Variants in SAMMSON observed in about 807,000 individuals in gnomAD.
SAMMSON encodes survival associated mitochondrial melanoma specific oncogenic non-coding RNA.
intron 4 of SAMMSON, among the ~76,000 whole-genome samples, chr3:70,207,132 G>A (rs1701299060): frequency 6.6e-6 from 1 of 151,310 alleles, no homozygotes; most frequent in South Asian, 2.1e-4. Flanking sequence ...CTGTCACAGA[G>A]TATTATTAAT....
intron 4 of SAMMSON, among the ~76,000 whole-genome samples, chr3:70,142,159 A>G (rs573106144): frequency 1.6e-4 from 25 of 152,292 alleles, no homozygotes; most frequent in African/African-American, 5.8e-4. Context: ...CTACCATTTG[A>G]TTCAGCTATC....
At chr3:70,427,546 T>C (rs1388002184) in intron 2 of SAMMSON, among the ~76,000 whole-genome samples, 3 of 152,080 alleles carry the variant, frequency 2.0e-5, no homozygotes, top group East Asian at 3.9e-4. Context: ...GAGACCATCC[T>C]GGCTGACACG....
intron 7 of SAMMSON, among the ~76,000 whole-genome samples, chr3:70,311,338 G>T (rs1350205065): frequency 6.6e-6 from 1 of 152,152 alleles, no homozygotes; most frequent in African/African-American, 2.4e-5. Flanking sequence ...TTTCAAAAGT[G>T]CGCAAATCTG....
chr3:70,366,001 T>TTTTTTTTTC (rs1362861416), intron 9 of SAMMSON, among the ~76,000 whole-genome samples: 1 of 21,770 alleles, frequency 4.6e-5, no homozygotes, highest in African/African-American at 1.7e-4. Context: ...TTTTTTTTTT[T>TTTTTTTTTC]GAGACGGAGT....
intron 4 of SAMMSON, among the ~76,000 whole-genome samples, chr3:70,134,376 TA>T (rs2067497538): frequency 6.6e-6 from 1 of 151,352 alleles, no homozygotes; most frequent in Admixed American, 6.6e-5. Context: ...TTTTTTTTAA[TA>T]AAAAGTACTC....
chr3:70,304,543 C>T (rs77040195), intron 7 of SAMMSON, among the ~76,000 whole-genome samples: 5,834 of 152,220 alleles, frequency 0.038, 160 homozygotes, highest in East Asian at 0.081. Flanking sequence ...TTTCTAAAGC[C>T]GGGGGTCAGC....
In SAMMSON at chr3:70,404,810, A is replaced by C. The variant is rs118168962; in HGVS notation, n.233+46486A>C. Among the ~76,000 whole-genome samples, 43 of 152,200 alleles carry C rather than the reference A, an allele frequency of 2.8e-4. No individual in the cohort carries two copies. The East Asian group carries it at 7.4e-3, about 26-fold the overall frequency. On this transcript the variant is annotated intron_variant and non_coding_transcript_variant, in intron 2 of 3. Coordinates refer to the SAMMSON transcript ENST00000641053. The stretch of plus-strand genomic sequence containing the variant: ...GTATTTCTACACTGCAAAGCACAAC[A>C]ATCTCCCTGAGTTGAGGAGTCAGAG...
chr3:70,214,590 T>C (rs1389519600), intron 4 of SAMMSON, among the ~76,000 whole-genome samples: 1 of 135,570 alleles, frequency 7.4e-6, no homozygotes, highest in African/African-American at 2.8e-5. Flanking sequence ...ACTTCAATTT[T>C]TGGGGGCTGA....
chr3:70,241,960 C>A (rs1021657459), intron 4 of SAMMSON, among the ~76,000 whole-genome samples: 1 of 152,148 alleles, frequency 6.6e-6, no homozygotes, highest in African/African-American at 2.4e-5. Flanking sequence ...TTTGTTTAGG[C>A]CCTTAGAGTT....
chr3:70,295,577 C>T (rs1315740754), intron 7 of SAMMSON, among the ~76,000 whole-genome samples: 1 of 152,140 alleles, frequency 6.6e-6, no homozygotes, highest in East Asian at 1.9e-4. Flanking sequence ...GTGGTGCGCA[C>T]CTGTAGTCCT....
At chr3:70,029,619 G>A (rs963341885) in intron 3 of SAMMSON, among the ~76,000 whole-genome samples, 2 of 151,960 alleles carry the variant, frequency 1.3e-5, no homozygotes, top group South Asian at 4.1e-4. Flanking sequence ...GCAAGGCTTG[G>A]TGGCATGTGC....
chr3:70,153,189 T>C (rs902546000), intron 4 of SAMMSON, among the ~76,000 whole-genome samples: 1 of 151,960 alleles, frequency 6.6e-6, no homozygotes, highest in Non-Finnish European at 1.5e-5. Context: ...ATGAAGTGTT[T>C]TTTTAATCCT....
At chr3:70,338,208 C>T (rs1302714397) in intron 7 of SAMMSON, among the ~76,000 whole-genome samples, 1 of 152,014 alleles carries the variant, frequency 6.6e-6, no homozygotes, top group East Asian at 1.9e-4. Flanking sequence ...CATGTAAACT[C>T]TCTGATGCCC....
chr3:70,205,269 T>C (rs556336004), intron 4 of SAMMSON: 1 of 152,168 alleles, frequency 6.6e-6, no homozygotes, highest in South Asian at 2.1e-4. Context: ...TGTGTCGAGG[T>C]AGTGACATTT....
chr3:70,354,702 A>C lies in SAMMSON; in HGVS notation n.842+425A>C, dbSNP rs530333062. 1.4e-3 allele frequency among the ~76,000 whole-genome samples: 212 copies of C among 152,304 alleles called. 1 individual carries two copies. The highest frequency in any genetic ancestry group is 5.0e-3 in the African/African-American group (206 of 41,588). ...GCTGCCTCTAGCTGGACAGTGCCTGAGCATGGCAGGAAGGCCCAGACTCCT... is the reference window on the plus strand; with the variant it reads ...GCTGCCTCTAGCTGGACAGTGCCTGCGCATGGCAGGAAGGCCCAGACTCCT... On this transcript the variant is annotated intron_variant and non_coding_transcript_variant, in intron 8 of 9. Transcript: ENST00000642114.
chr3:70,017,970 G>T (rs1373218098), intron 3 of SAMMSON, among the ~76,000 whole-genome samples: 1 of 152,120 alleles, frequency 6.6e-6, no homozygotes, highest in Non-Finnish European at 1.5e-5. Flanking sequence ...TTGATGTGTT[G>T]CTGGATTTGG....
At chr3:70,123,414 A>T (rs2067443273) in intron 4 of SAMMSON, among the ~76,000 whole-genome samples, 1 of 152,126 alleles carries the variant, frequency 6.6e-6, no homozygotes, top group Admixed American at 6.5e-5. Flanking sequence ...AGGATTACAG[A>T]TGCCTGCCAC....
intron 6 of SAMMSON, among the ~76,000 whole-genome samples, chr3:70,284,960 T>G (rs9865560): frequency 0.21 from 31,802 of 152,106 alleles, 3,545 homozygotes; most frequent in South Asian, 0.28. Flanking sequence ...TTTTGAAGTT[T>G]CATTAACAAT....
At chr3:70,331,408 C>A (rs1270799043) in intron 7 of SAMMSON, among the ~76,000 whole-genome samples, 1 of 152,152 alleles carries the variant, frequency 6.6e-6, no homozygotes, top group Non-Finnish European at 1.5e-5. Flanking sequence ...TCTCTCTTAT[C>A]AGAACAAGAG....
Sources: gnomAD v4.1 joint callset for allele counts (sites outside exome capture counted in the v4.1 genomes callset) on GRCh38, gnomAD v4.1.1 for gene constraint, MANE v1.5 for transcripts, NCBI Gene and HGNC (gene_info 2026-07-23, HGNC 2026-07-21) for gene names.